Variants in IKZF2 observed in about 807,000 individuals in gnomAD.
IKZF2 encodes the protein IKAROS family zinc finger 2, also known as zinc finger protein Helios.
IKZF2 carries 15 observed loss-of-function variants against 49.2 expected under a neutral mutation model. The ratio of observed to expected loss-of-function variants is 0.30; its 90% CI spans 0.20 to 0.47. The LOEUF (loss-of-function observed/expected upper bound fraction) is 0.47, where lower values mean the gene tolerates loss of function less well. IKZF2 is among the 20% of genes least tolerant of loss of function. The probability of loss-of-function intolerance (pLI) is 1.00; values close to 1 mark genes in which losing one functional copy is unlikely to be tolerated. For synonymous variants in IKZF2, 227 were observed against 221.4 expected (o/e 1.03, Z -0.23); for missense variants, 567 against 664.6 (o/e 0.85, Z 1.61).
At chr2:213,125,305 C>G (rs746685625) in intron 4 of IKZF2, among the ~76,000 whole-genome samples, 84 of 152,216 alleles carry the variant, frequency 5.5e-4, no homozygotes, top group Non-Finnish European at 7.1e-4. Context: ...TCTCCTAGTT[C>G]CTAATAGAGT....
At chr2:213,135,949 C>T (rs1421394333) in intron 4 of IKZF2, among the ~76,000 whole-genome samples, 1 of 151,080 alleles carries the variant, frequency 6.6e-6, no homozygotes, top group Non-Finnish European at 1.5e-5. Flanking sequence ...ACTCAGGAGG[C>T]TGAGGCAGGA....
At chr2:213,056,109 T>C (rs1158659255) in intron 5 of IKZF2, among the ~76,000 whole-genome samples, 1 of 152,144 alleles carries the variant, frequency 6.6e-6, no homozygotes, top group Non-Finnish European at 1.5e-5. Context: ...TTAAAAAGAT[T>C]TAAATAAGAC....
intron 4 of IKZF2, among the ~76,000 whole-genome samples, chr2:213,124,235 T>TGCACTCGCGCGCGCGCGC (rs1491243894): frequency 8.7e-6 from 1 of 115,176 alleles, no homozygotes; most frequent in African/African-American, 3.9e-5. Flanking sequence ...CACGCACACA[T>TGCACTCGCGCGCGCGCGC]GCGCTCGCGC....
intron 4 of IKZF2, among the ~76,000 whole-genome samples, chr2:213,104,257 C>T (rs1162567681): frequency 1.4e-5 from 2 of 140,096 alleles, no homozygotes; most frequent in African/African-American, 2.8e-5. Context: ...CTGCTTCTAA[C>T]GGACAAAAAA....
At chr2:213,150,349 G>C (rs960689407) in intron 1 of IKZF2, 102 bp from the exon 2 acceptor site, 37 of 386,750 alleles carry the variant, frequency 9.6e-5, no homozygotes, top group African/African-American at 6.9e-4. Flanking sequence ...CAGAGTTCAA[G>C]GGGAGGAGGA....
intron 4 of IKZF2, among the ~76,000 whole-genome samples, chr2:213,094,517 C>T (rs778786767): frequency 1.7e-4 from 26 of 151,980 alleles, no homozygotes; most frequent in Non-Finnish European, 3.2e-4. Context: ...TCTGAGACCC[C>T]CCTAGCCTGG....
chr2:213,104,225 TTAGTGTGTAATCTCTC>T (rs2059444079), intron 4 of IKZF2, among the ~76,000 whole-genome samples: 2 of 151,496 alleles, frequency 1.3e-5, no homozygotes, highest in African/African-American at 4.9e-5. Flanking sequence ...GTTTTAAAGC[TTAGTGTGTAATCTCTC>T]TACCACTGCT....
Position 213,006,957 on chromosome 2 carries a change from A to G in IKZF2, c.*403T>C, listed in dbSNP as rs928717938. On this transcript the variant is annotated 3_prime_UTR_variant, in exon 9 of 9. Coordinates refer to ENST00000434687, the MANE Select transcript of IKZF2 (RefSeq NM_001387220.1). ...ATAAAGTTACTTATACCATTTTTAA[A>G]CCACCAAAGTCCTACCCAGAAAACT... 2 of 160,000 alleles carry G rather than the reference A, an allele frequency of 1.3e-5. No homozygotes were observed. The highest frequency in any genetic ancestry group is 1.2e-4 in the Admixed American group (2 of 16,052). The allele number at this position is 160,000 out of a possible 1,614,324, so 9.9% of individuals were successfully genotyped here.
Position 213,003,246 on chromosome 2 carries a change from T to C in IKZF2, c.*4114A>G, listed in dbSNP as rs1239907883. ...TATTTAATACATTAAATTCAGGATT[T>C]AGGAGACCAGTTACTGTATATTTTA... On this transcript the variant is annotated 3_prime_UTR_variant, in exon 9 of 9. Coordinates refer to ENST00000434687, the MANE Select transcript of IKZF2 (RefSeq NM_001387220.1). 6.6e-6 allele frequency: 1 copy of C among 152,158 alleles called. No homozygotes were observed. Among genetic ancestry groups the C allele is most frequent in the Non-Finnish European group, 1.5e-5 (1 of 67,692 alleles). 9.4% of individuals were successfully genotyped at this position (152,158 alleles called of 1,614,324 possible). A position where few individuals can be genotyped will look rare whatever the true frequency, so the allele number is the denominator to read the frequency against.
intron 8 of IKZF2, 52 bp from the exon 9 acceptor site, chr2:213,008,136 A>G (rs766214325): frequency 4.2e-4 from 615 of 1,474,152 alleles, no homozygotes; most frequent in Non-Finnish European, 5.2e-4. Context: ...AAATACAACA[A>G]CATTAGTATC....
intron 4 of IKZF2, among the ~76,000 whole-genome samples, chr2:213,106,439 G>A (rs1326238762): frequency 2.0e-5 from 3 of 151,880 alleles, no homozygotes; most frequent in African/African-American, 4.8e-5. Context: ...AAGTGTTTGA[G>A]ACCAGCCTGT....
intron 4 of IKZF2, among the ~76,000 whole-genome samples, chr2:213,083,881 A>G (rs1704265920): frequency 6.6e-6 from 1 of 151,864 alleles, no homozygotes; most frequent in Non-Finnish European, 1.5e-5. Context: ...GATGAGTTAT[A>G]GAATTATTTC....
At chr2:213,050,861 C>T (rs564974298) in intron 5 of IKZF2, among the ~76,000 whole-genome samples, 2 of 152,012 alleles carry the variant, frequency 1.3e-5, no homozygotes, top group South Asian at 4.2e-4. Context: ...TTAAATTCAC[C>T]TATCACTAAA....
At chr2:213,008,112 T>TAAA (rs369935563) in intron 8 of IKZF2, 28 bp from the exon 9 acceptor site, 16 of 1,280,762 alleles carry the variant, frequency 1.2e-5, no homozygotes, top group African/African-American at 6.9e-5. Context: ...GTGAAAGAAG[T>TAAA]AAAAAAAAAA....
At chr2:213,144,529 T>G (rs1056170742) in intron 4 of IKZF2, among the ~76,000 whole-genome samples, 5 of 151,918 alleles carry the variant, frequency 3.3e-5, no homozygotes, top group Non-Finnish European at 7.4e-5. Context: ...AAAGTAAGTT[T>G]CATCTGATGG....
At chr2:213,081,294 A>T (rs1295217654) in intron 4 of IKZF2, 1 of 154,684 alleles carries the variant, frequency 6.5e-6, no homozygotes, top group Non-Finnish European at 1.5e-5. Flanking sequence ...TAGGTATGTA[A>T]GTATGTCATT....
intron 6 of IKZF2, among the ~76,000 whole-genome samples, chr2:213,028,740 T>A (rs191953612): frequency 6.6e-6 from 1 of 152,258 alleles, no homozygotes; most frequent in East Asian, 1.9e-4. Flanking sequence ...TTACCATGTT[T>A]ATTACATCAT....
intron 6 of IKZF2, among the ~76,000 whole-genome samples, chr2:213,040,892 CGAATCACCT>C (rs1415758661): frequency 6.6e-6 from 1 of 151,940 alleles, no homozygotes; most frequent in Non-Finnish European, 1.5e-5. Flanking sequence ...CTGAGGCAGG[CGAATCACCT>C]GAGGTCAGGA....
chr2:213,000,840 T>C lies in IKZF2; in HGVS notation c.*6520A>G, dbSNP rs1694844439. The C allele has an allele frequency of 6.6e-6, 1 of 151,646 alleles. No individual in the cohort carries two copies. The highest frequency in any genetic ancestry group is 1.5e-5 in the Non-Finnish European group (1 of 67,630). 9.4% of individuals were successfully genotyped at this position (151,646 alleles called of 1,614,324 possible). ...AGCATTGGGCGAGGGTCTAAGAAGA[T>C]TCAATCTGTAAAAAGTTCAACTTTA... On this transcript the variant is annotated 3_prime_UTR_variant, in exon 9 of 9. Coordinates refer to ENST00000434687, the MANE Select transcript of IKZF2 (RefSeq NM_001387220.1).
Sources: gnomAD v4.1 joint callset for allele counts (sites outside exome capture counted in the v4.1 genomes callset) on GRCh38, gnomAD v4.1.1 for gene constraint, MANE v1.5 for transcripts, NCBI Gene and HGNC (gene_info 2026-07-23, HGNC 2026-07-21) for gene names.